ARID1B: variants seen among roughly 807,000 people sequenced by gnomAD.
ARID1B encodes AT-rich interaction domain 1B.
In ARID1B, 30 loss-of-function variants were observed where a neutral mutation model predicts 212.3. The observed-to-expected ratio is 0.14, with a 90% CI of 0.11 to 0.19. ARID1B has a LOEUF of 0.19. ARID1B is among the 10% of genes least tolerant of loss of function. The pLI, the probability that ARID1B is intolerant of heterozygous loss-of-function variation, is 1.00. For missense variants in ARID1B, 2,891 were observed against 3,204.0 expected (o/e 0.90, Z 2.36); for synonymous variants, 1,402 against 1,301.7 (o/e 1.08, Z -1.66).
At chr6:156,882,155 A>T (rs932955858) in intron 2 of ARID1B, among the ~76,000 whole-genome samples, 1 of 151,458 alleles carries the variant, frequency 6.6e-6, no homozygotes, top group Admixed American at 6.6e-5. Context: ...TGTTCAACAG[A>T]TCTTACTCTC....
At chr6:156,819,381 C>T (rs1444231552) in intron 1 of ARID1B, among the ~76,000 whole-genome samples, 2 of 152,072 alleles carry the variant, frequency 1.3e-5, no homozygotes, top group Non-Finnish European at 2.9e-5. Context: ...TTTTGGTATT[C>T]CTTTTAGATC....
intron 4 of ARID1B, among the ~76,000 whole-genome samples, chr6:157,031,456 A>G (rs1325380089): frequency 6.6e-6 from 1 of 152,190 alleles, no homozygotes; most frequent in Non-Finnish European, 1.5e-5. Context: ...GATAAATATT[A>G]TTGTGACTGG....
intron 2 of ARID1B, among the ~76,000 whole-genome samples, chr6:156,877,131 C>T (rs1338354654): frequency 6.6e-6 from 1 of 152,148 alleles, no homozygotes; most frequent in African/African-American, 2.4e-5. Flanking sequence ...ATTATTTATT[C>T]TTTCACAAAG....
At chr6:156,963,511 T>A (rs1211510457) in intron 4 of ARID1B, among the ~76,000 whole-genome samples, 1 of 152,260 alleles carries the variant, frequency 6.6e-6, no homozygotes, top group African/African-American at 2.4e-5. Context: ...TCATATGGAA[T>A]AAGCCTGTTT....
intron 2 of ARID1B, among the ~76,000 whole-genome samples, chr6:156,841,036 T>C (rs146027504): frequency 6.6e-6 from 1 of 152,300 alleles, no homozygotes; most frequent in African/African-American, 2.4e-5. Context: ...ATGCCGTACA[T>C]ACAAAACAGA....
At chr6:156,781,629 T>A (rs1779272949) in intron 1 of ARID1B, among the ~76,000 whole-genome samples, 1 of 152,146 alleles carries the variant, frequency 6.6e-6, no homozygotes, top group Admixed American at 6.5e-5. Flanking sequence ...TTCAGATCTT[T>A]AGTTATTGGA....
At chr6:157,071,688 C>T (rs1784014049) in intron 4 of ARID1B, 1 of 152,130 alleles carries the variant, frequency 6.6e-6, no homozygotes, top group Non-Finnish European at 1.5e-5. Context: ...GAAAGAATAA[C>T]AATTTATTTT....
chr6:156,833,697 A>G (rs1783300146), intron 2 of ARID1B, among the ~76,000 whole-genome samples: 1 of 152,226 alleles, frequency 6.6e-6, no homozygotes, highest in Non-Finnish European at 1.5e-5. Flanking sequence ...TGGCAAAATT[A>G]AATATAAACT....
chr6:157,003,887 C>T lies in ARID1B; in HGVS notation c.2247+68311C>T, dbSNP rs543134092. On this transcript the variant is annotated intron_variant, in intron 4 of 19. Transcript: ENST00000636930. The stretch of plus-strand genomic sequence containing the variant: ...AAAAATTTTTTTTTTTCACTTTGGC[C>T]GAGAGTTCAAGGCGAGGCAAGAGGA... Among the ~76,000 whole-genome samples the T allele has an allele frequency of 1.0e-3, 155 of 151,784 alleles. 3 individuals are homozygous for T. Among genetic ancestry groups the T allele is most frequent in the African/African-American group, 1.2e-4 (5 of 41,354 alleles).
At chr6:157,084,963 C>A (rs886858372) in intron 5 of ARID1B, 58 bp downstream of exon 5, 1 of 1,538,424 alleles carries the variant, frequency 6.5e-7, no homozygotes, top group Non-Finnish European at 8.8e-7. Flanking sequence ...ATTTCATGTT[C>A]ATCAACAGTA....
At position 156,778,019 on chromosome 6, in the gene ARID1B, C is replaced by G. The variant is rs1778760602; in HGVS notation, c.339C>G (p.Ser113Arg). Residue 113 changes from serine to arginine, a missense_variant, in exon 1 of 20, where the codon AGC becomes AGG. Coordinates refer to ENST00000636930, the MANE Select transcript of ARID1B (RefSeq NM_001374828.1). ...AGGCGGCTCTCAAGGAGGGTGGAAG[C>G]GCCGCCGCGCTGTCCTCCTCCTCCT... ...GSEAALKEGGSAAALSSSSSS... is the reference protein window; with the variant it reads ...GSEAALKEGGRAAALSSSSSS... 1.3e-6 allele frequency: 2 copies of G among 1,533,496 alleles called. No individual in the cohort carries two copies. Among genetic ancestry groups the G allele is most frequent in the Non-Finnish European group, 1.7e-6 (2 of 1,145,456 alleles). 95.0% of individuals were successfully genotyped at this position (1,533,496 alleles called of 1,614,324 possible). A position where few individuals can be genotyped will look rare whatever the true frequency, so the allele number is the denominator to read the frequency against.
intron 13 of ARID1B, chr6:157,186,116 G>A (rs1003379952): frequency 2.1e-5 from 4 of 189,472 alleles, no homozygotes; most frequent in African/African-American, 2.4e-5. Flanking sequence ...GAAAGAACTC[G>A]TGTCACTGAA....
At chr6:156,801,270 G>A (rs954943142) in intron 1 of ARID1B, among the ~76,000 whole-genome samples, 8 of 147,810 alleles carry the variant, frequency 5.4e-5, no homozygotes, top group South Asian at 2.1e-4. Context: ...GTGCAATCTC[G>A]GCTCACTGCA....
chr6:157,064,230 C>A (rs1202833888), intron 4 of ARID1B, among the ~76,000 whole-genome samples: 1 of 152,196 alleles, frequency 6.6e-6, no homozygotes, highest in East Asian at 1.9e-4. Flanking sequence ...CCTGAGCCAT[C>A]TGAGTATATC....
chr6:156,800,077 TTTC>T (rs1376442012), intron 1 of ARID1B, among the ~76,000 whole-genome samples: 8 of 152,192 alleles, frequency 5.3e-5, no homozygotes, highest in Admixed American at 1.3e-4. Flanking sequence ...CTGAAGCGTA[TTTC>T]TTCTTTTGAT....
chr6:156,940,626 A>G (rs2128284835), intron 4 of ARID1B: 1 of 152,352 alleles, frequency 6.6e-6, no homozygotes, highest in African/African-American at 2.4e-5. Flanking sequence ...TCTGCCTTTA[A>G]TTCAAGAAGA....
intron 4 of ARID1B, among the ~76,000 whole-genome samples, chr6:157,007,922 C>A (rs1779344587): frequency 6.6e-6 from 1 of 151,960 alleles, no homozygotes; most frequent in African/African-American, 2.4e-5. Flanking sequence ...GGGATCCGCC[C>A]ACCTCGGCCT....
intron 4 of ARID1B, among the ~76,000 whole-genome samples, chr6:157,008,533 T>G (rs1005873547): frequency 3.3e-5 from 5 of 152,230 alleles, no homozygotes; most frequent in African/African-American, 1.2e-4. Flanking sequence ...ATTTGCACCC[T>G]GATCTCTTCA....
chr6:157,018,093 T>A (rs997527925), intron 4 of ARID1B, among the ~76,000 whole-genome samples: 3 of 151,710 alleles, frequency 2.0e-5, no homozygotes, highest in Non-Finnish European at 4.4e-5. Flanking sequence ...GATAGTGCCA[T>A]GGCATTCCAG....
Sources: gnomAD v4.1 joint callset for allele counts (sites outside exome capture counted in the v4.1 genomes callset) on GRCh38, gnomAD v4.1.1 for gene constraint, MANE v1.5 for transcripts, NCBI Gene and HGNC (gene_info 2026-07-23, HGNC 2026-07-21) for gene names.